Variants in EXOC6 observed in about 807,000 individuals in gnomAD.
EXOC6 encodes exocyst complex component 6, also known as SEC15-like 1.
A neutral mutation model predicts 112.5 loss-of-function variants in EXOC6; 60 were observed. That is an observed-to-expected ratio of 0.53 (90% CI 0.43 to 0.66). The LOEUF is 0.66. Among genes scored for constraint, EXOC6 ranks in the 30% least tolerant of loss-of-function variants. The probability of loss-of-function intolerance (pLI) is 0.00; values close to 1 mark genes in which losing one functional copy is unlikely to be tolerated. For synonymous variants in EXOC6, 295 were observed against 308.0 expected (o/e 0.96, Z 0.44); for missense variants, 855 against 957.1 (o/e 0.89, Z 1.41).
chr10:92,904,660 G>A (rs979589146), intron 5 of EXOC6, among the ~76,000 whole-genome samples: 1 of 151,886 alleles, frequency 6.6e-6, no homozygotes, highest in African/African-American at 2.4e-5. Context: ...TTTTAAGTGT[G>A]CTTTTTATAT....
intron 1 of EXOC6, among the ~76,000 whole-genome samples, chr10:92,838,398 T>C (rs1846729109): frequency 6.6e-6 from 1 of 152,196 alleles, no homozygotes; most frequent in South Asian, 2.1e-4. Context: ...CAATGAGCCC[T>C]TGTGTTGGCT....
At chr10:92,914,258 C>T (rs1278067896) in intron 6 of EXOC6, among the ~76,000 whole-genome samples, 3 of 152,206 alleles carry the variant, frequency 2.0e-5, no homozygotes, top group Non-Finnish European at 2.9e-5. Flanking sequence ...GCCTGATCAT[C>T]TGAGGTGGAA....
chr10:92,935,119 C>G (rs997721064), intron 11 of EXOC6, among the ~76,000 whole-genome samples: 2 of 151,734 alleles, frequency 1.3e-5, no homozygotes, highest in Non-Finnish European at 2.9e-5. Flanking sequence ...AGTTTGTTAG[C>G]TTATGTGATA....
chr10:92,844,684 C>T (rs951786668), upstream of EXOC6, among the ~76,000 whole-genome samples: 3 of 152,130 alleles, frequency 2.0e-5, no homozygotes, highest in African/African-American at 4.8e-5. Context: ...GGCTTACTAG[C>T]AAATGCCTGA....
At chr10:92,964,476 G>A (rs896632502) in intron 17 of EXOC6, among the ~76,000 whole-genome samples, 12 of 152,138 alleles carry the variant, frequency 7.9e-5, no homozygotes, top group African/African-American at 2.9e-4. Context: ...GCAGGAAGAA[G>A]TTAACTAGGG....
At chr10:93,055,517 C>T (rs1477812526) in intron 20 of EXOC6, among the ~76,000 whole-genome samples, 3 of 152,090 alleles carry the variant, frequency 2.0e-5, no homozygotes, top group Admixed American at 6.5e-5. Context: ...ATTCCGGAGA[C>T]GTTATACTAA....
chr10:92,946,569 A>G (rs1272368470), intron 13 of EXOC6, among the ~76,000 whole-genome samples: 1 of 152,090 alleles, frequency 6.6e-6, no homozygotes, highest in Non-Finnish European at 1.5e-5. Context: ...TCACACAGTG[A>G]ATATCTTCCT....
intron 19 of EXOC6, among the ~76,000 whole-genome samples, chr10:92,999,762 G>A (rs1258720902): frequency 6.7e-6 from 1 of 149,366 alleles, no homozygotes; most frequent in Admixed American, 6.7e-5. Flanking sequence ...GGAGTGCAGT[G>A]GCACAATCTT....
At chr10:92,919,721 T>C (rs1045687267) in intron 7 of EXOC6, among the ~76,000 whole-genome samples, 1 of 152,190 alleles carries the variant, frequency 6.6e-6, no homozygotes, top group African/African-American at 2.4e-5. Context: ...ATTAAAAATA[T>C]ACAATTTCTC....
chr10:92,943,235 G>C (rs7078968), intron 13 of EXOC6, among the ~76,000 whole-genome samples: 1,955 of 152,094 alleles, frequency 0.013, 41 homozygotes, highest in African/African-American at 0.045. Context: ...AGCCAGGATG[G>C]TCTCGATCTC....
rs1345601307 is a variant in EXOC6 at position 92,848,595 on chromosome 10, T to C, written c.62T>C (p.Ile21Thr). The C allele has an allele frequency of 6.2e-6, 9 of 1,453,232 alleles. No individual in the cohort carries two copies. Among genetic ancestry groups the C allele is most frequent in the African/African-American group, 1.5e-5 (1 of 67,256 alleles). The allele number at this position is 1,453,232 out of a possible 1,614,324, so 90.0% of individuals were successfully genotyped here. The stretch of plus-strand genomic sequence containing the variant: ...GAGCACGAGCGGATCTTGCAGGAGA[T>C]CGAGAGCACCGACACCGCCTGTGTG... ...VPEHERILQEIESTDTACVGP... is the reference protein window; with the variant it reads ...VPEHERILQETESTDTACVGP... Residue 21 changes from isoleucine (I) to threonine (T), a missense_variant, in exon 1 of 22, where the codon ATC (isoleucine) becomes ACC (threonine). Transcript: ENST00000260762.
intron 1 of EXOC6, among the ~76,000 whole-genome samples, chr10:92,870,860 C>CA (rs1336728508): frequency 6.6e-5 from 10 of 152,024 alleles, no homozygotes; most frequent in Non-Finnish European, 4.4e-5. Flanking sequence ...CAGGCATGCG[C>CA]CACCACGCCC....
chr10:92,899,514 T>C (rs1030252402), intron 4 of EXOC6, 85 bp from the exon 5 acceptor site: 2 of 927,260 alleles, frequency 2.2e-6, no homozygotes, highest in South Asian at 1.6e-5. Flanking sequence ...ATTTGTAATA[T>C]ACTCTTTCCT....
intron 9 of EXOC6, among the ~76,000 whole-genome samples, chr10:92,929,118 G>C (rs1487535202): frequency 6.6e-6 from 1 of 152,216 alleles, no homozygotes; most frequent in Non-Finnish European, 1.5e-5. Context: ...TCTAATAAGA[G>C]ATTGTCTCCC....
chr10:92,831,308 C>T (rs1445426481), upstream of EXOC6: 8 of 1,288,646 alleles, frequency 6.2e-6, no homozygotes, highest in African/African-American at 6.1e-5. Context: ...CCGGCTGTAC[C>T]GGAAGAGGAT....
At chr10:93,001,882 A>G (rs776842907) in intron 19 of EXOC6, among the ~76,000 whole-genome samples, 1 of 152,186 alleles carries the variant, frequency 6.6e-6, no homozygotes, top group Non-Finnish European at 1.5e-5. Flanking sequence ...TTCTTATGTG[A>G]TATAGTTTTA....
At chr10:92,847,824 T>A (rs1722010331), upstream of EXOC6, among the ~76,000 whole-genome samples, 1 of 136,666 alleles carries the variant, frequency 7.3e-6, no homozygotes, top group Non-Finnish European at 1.5e-5. Context: ...GAATTACACA[T>A]CGCCCTGGGC....
At chr10:92,931,108 C>A (rs2133943982) in intron 9 of EXOC6, among the ~76,000 whole-genome samples, 2 of 100,418 alleles carry the variant, frequency 2.0e-5, no homozygotes, top group Non-Finnish European at 1.8e-5. Flanking sequence ...AAGACTCCAT[C>A]TCAGAAGAAA....
In EXOC6 at chr10:93,058,932, G is replaced by C. The variant is rs532324573; in HGVS notation, c.*577G>C. ...AATGTGAATTATTTGTTCTACTTGG[G>C]TGGTTTAATTTAATCGTTCTGAATA... On this transcript the variant is annotated 3_prime_UTR_variant, in exon 22 of 22. Coordinates refer to ENST00000260762, the MANE Select transcript of EXOC6 (RefSeq NM_019053.6). 1 of 152,184 alleles carries C rather than the reference G, an allele frequency of 6.6e-6. No homozygotes were observed. Among genetic ancestry groups the C allele is most frequent in the Non-Finnish European group, 1.5e-5 (1 of 68,028 alleles). The allele number at this position is 152,184 out of a possible 1,614,324, so 9.4% of individuals were successfully genotyped here.
Sources: allele counts gnomAD v4.1 joint callset (sites outside exome capture counted in the v4.1 genomes callset), GRCh38; gene constraint gnomAD v4.1.1; transcripts MANE v1.5; gene names NCBI Gene and HGNC (gene_info 2026-07-23, HGNC 2026-07-21).